Variants in SLC27A6 observed in about 807,000 individuals in gnomAD.
SLC27A6 encodes solute carrier family 27 member 6.
Under a neutral mutation model 63.9 loss-of-function variants are expected in SLC27A6, and 74 were observed. That is an observed-to-expected ratio of 1.16 (90% CI 0.96 to 1.40). The LOEUF (loss-of-function observed/expected upper bound fraction) is 1.40. SLC27A6 is among the 40% of genes most tolerant of loss of function. The pLI is 0.00. For missense variants in SLC27A6, 794 were observed against 732.9 expected (o/e 1.08, Z -0.96); for synonymous variants, 287 against 260.8 (o/e 1.10, Z -0.97).
intron 4 of SLC27A6, among the ~76,000 whole-genome samples, chr5:129,015,093 A>G (rs1180396057): frequency 6.6e-6 from 1 of 152,054 alleles, no homozygotes; most frequent in African/African-American, 2.4e-5. Flanking sequence ...GTTATTTTGC[A>G]TTTTTTGGTG....
At chr5:128,995,083 A>G (rs1188836647) in intron 4 of SLC27A6, among the ~76,000 whole-genome samples, 2 of 152,204 alleles carry the variant, frequency 1.3e-5, no homozygotes, top group East Asian at 1.9e-4. Context: ...CAAGTTTTCT[A>G]TGTCACTAAA....
At position 128,966,255 on chromosome 5, in the gene SLC27A6, A is replaced by C; in HGVS notation, c.118A>C (p.Ile40Leu). The C allele has an allele frequency of 6.2e-7, 1 of 1,613,868 alleles. No individual in the cohort carries two copies. The highest frequency in any genetic ancestry group is 1.3e-5 in the African/African-American group (1 of 75,022). ...DFWFVLKVVL[I>L]IIRLKKYEKR... The stretch of plus-strand genomic sequence containing the variant: ...CTGGTTCGTGTTGAAGGTGGTGCTC[A>C]TTATAATTCGGCTGAAGAAGTATGA... Residue 40 changes from isoleucine (I) to leucine (L), a missense_variant, in exon 1 of 10, where the codon ATT becomes CTT. Coordinates refer to ENST00000262462, the MANE Select transcript of SLC27A6 (RefSeq NM_001017372.3).
chr5:128,991,189 A>G (rs1750969400), intron 4 of SLC27A6, among the ~76,000 whole-genome samples: 1 of 152,076 alleles, frequency 6.6e-6, no homozygotes, highest in South Asian at 2.1e-4. Context: ...CTTTTAGCCT[A>G]ATTGGTATTT....
intron 1 of SLC27A6, among the ~76,000 whole-genome samples, chr5:128,970,062 A>G (rs1327235665): frequency 6.6e-6 from 1 of 150,700 alleles, no homozygotes; most frequent in African/African-American, 2.4e-5. Flanking sequence ...ATGCTGGATT[A>G]CGTTTATTGA....
chr5:129,022,834 CAA>C (rs1399482243), intron 5 of SLC27A6, among the ~76,000 whole-genome samples: 1 of 151,932 alleles, frequency 6.6e-6, no homozygotes, highest in Non-Finnish European at 1.5e-5. Context: ...CAAAAACAAA[CAA>C]AACAAAATAG....
In SLC27A6 at chr5:128,990,337, T is replaced by TA; in HGVS notation, c.845-2dup. ...TAGTGCCTGTTTTTGTCTTTTCTTATAGGTGCCACTTGTGTGTTAAAGAAG... is the reference window on the plus strand; with the variant it reads ...TAGTGCCTGTTTTTGTCTTTTCTTATAAGGTGCCACTTGTGTGTTAAAGAAG... On this transcript the variant is annotated splice_region_variant and splice_polypyrimidine_tract_variant and intron_variant, in intron 3 of 9. Transcript: ENST00000262462. 1 of 1,610,170 alleles carries TA rather than the reference T, an allele frequency of 6.2e-7. No homozygotes were observed. Among genetic ancestry groups the TA allele is most frequent in the South Asian group, 1.1e-5 (1 of 89,622 alleles).
At chr5:129,008,441 G>A (rs1580733536) in intron 4 of SLC27A6, among the ~76,000 whole-genome samples, 2 of 152,152 alleles carry the variant, frequency 1.3e-5, no homozygotes, top group South Asian at 4.1e-4. Context: ...CTTCATATTG[G>A]ATTTCAGAGA....
At chr5:128,983,918 T>C in intron 1 of SLC27A6, among the ~76,000 whole-genome samples, 1 of 152,188 alleles carries the variant, frequency 6.6e-6, no homozygotes, top group East Asian at 1.9e-4. Context: ...TTGCCAGTAA[T>C]GTTGGACTTC....
intron 6 of SLC27A6, among the ~76,000 whole-genome samples, chr5:129,025,652 T>C (rs970730886): frequency 2.6e-5 from 4 of 152,066 alleles, no homozygotes; most frequent in Non-Finnish European, 5.9e-5. Context: ...ATAGGTATAA[T>C]TGTGATGATA....
chr5:128,985,203 T>C lies in SLC27A6; in HGVS notation c.552T>C (p.Asp184=), dbSNP rs1288568080. 2.5e-6 allele frequency: 4 copies of C among 1,613,968 alleles called. No homozygotes were observed. The highest frequency in any genetic ancestry group is 3.3e-5 in the Admixed American group (2 of 60,012). ...SENISVWGMK[D]SVPQGVISLK... Reference sequence around the variant, plus strand: ...ATATCAGTGTTTGGGGGATGAAAGATTCTGTTCCACAAGGTGTAATTTCAC... The same window carrying C: ...ATATCAGTGTTTGGGGGATGAAAGACTCTGTTCCACAAGGTGTAATTTCAC... The change falls in exon 2 of 10, where the codon GAT becomes GAC. Residue 184 remains aspartate (D), a synonymous_variant. Coordinates refer to ENST00000262462, the MANE Select transcript of SLC27A6 (RefSeq NM_001017372.3).
At chr5:129,031,716 A>T (rs1234618269) in intron 9 of SLC27A6, among the ~76,000 whole-genome samples, 2 of 152,050 alleles carry the variant, frequency 1.3e-5, no homozygotes, top group East Asian at 3.9e-4. Context: ...TTATAAAACA[A>T]TTTTCTAAGT....
intron 9 of SLC27A6, among the ~76,000 whole-genome samples, chr5:129,032,453 C>A (rs1371755080): frequency 6.6e-6 from 1 of 151,872 alleles, no homozygotes. Flanking sequence ...TACCAAAAAC[C>A]CAATTTTGCA....
At chr5:129,028,251 G>T (rs1412685238) in intron 7 of SLC27A6, 94 bp from the exon 8 acceptor site, 8 of 766,670 alleles carry the variant, frequency 1.0e-5, no homozygotes, top group Non-Finnish European at 1.6e-5. Flanking sequence ...GTAGGTGCTT[G>T]CACAGTGCCA....
intron 9 of SLC27A6, among the ~76,000 whole-genome samples, chr5:129,029,968 C>A (rs1752364978): frequency 6.6e-6 from 1 of 152,072 alleles, no homozygotes; most frequent in Non-Finnish European, 1.5e-5. Context: ...AAATGATGGT[C>A]CCAGTGACGG....
chr5:128,993,068 A>G lies in SLC27A6; in HGVS notation c.969+2604A>G, dbSNP rs1751033343. ...TTTTCAGAAGTGAATGTAAATAGCC[A>G]AAGTATGTGGATACTTTTGCGATTT... is the stretch of plus-strand genomic sequence containing the variant. On this transcript the variant is annotated intron_variant, in intron 4 of 9. Transcript: ENST00000262462. Among the ~76,000 whole-genome samples the G allele has an allele frequency of 2.0e-5, 3 of 152,252 alleles. No individual in the cohort carries two copies. The South Asian group carries it at 6.2e-4, about 32-fold the overall frequency.
intron 1 of SLC27A6, among the ~76,000 whole-genome samples, chr5:128,970,746 G>A (rs1349310831): frequency 6.6e-6 from 1 of 150,560 alleles, no homozygotes; most frequent in Non-Finnish European, 1.5e-5. Flanking sequence ...GGTTTTTTAT[G>A]TCTCTATCTC....
intron 4 of SLC27A6, among the ~76,000 whole-genome samples, chr5:129,015,123 C>A (rs1245524811): frequency 6.6e-6 from 1 of 152,016 alleles, no homozygotes; most frequent in African/African-American, 2.4e-5. Flanking sequence ...GTAATCAGAG[C>A]AAATAATGGA....
At position 128,985,200 on chromosome 5, in the gene SLC27A6, A is replaced by G; in HGVS notation, c.549A>G (p.Lys183=). The part of the protein sequence containing the change: ...LSENISVWGM[K]DSVPQGVISL... Reference sequence around the variant, plus strand: ...AAAATATCAGTGTTTGGGGGATGAAAGATTCTGTTCCACAAGGTGTAATTT... The same window carrying G: ...AAAATATCAGTGTTTGGGGGATGAAGGATTCTGTTCCACAAGGTGTAATTT... Residue 183 remains lysine, a synonymous_variant, in exon 2 of 10, where the codon AAA becomes AAG. Transcript: ENST00000262462. 2 of 1,614,036 alleles carry G rather than the reference A, an allele frequency of 1.2e-6. No homozygotes were observed. The highest frequency in any genetic ancestry group is 2.7e-5 in the African/African-American group (2 of 75,050).
intron 4 of SLC27A6, among the ~76,000 whole-genome samples, chr5:129,005,736 C>T (rs1465545313): frequency 1.3e-5 from 2 of 151,222 alleles, no homozygotes; most frequent in African/African-American, 4.9e-5. Flanking sequence ...CCTCAGCCTC[C>T]CGAGTAGCTG....
Sources: allele counts gnomAD v4.1 joint callset (sites outside exome capture counted in the v4.1 genomes callset), GRCh38; gene constraint gnomAD v4.1.1; transcripts MANE v1.5; gene names NCBI Gene and HGNC (gene_info 2026-07-23, HGNC 2026-07-21).